Variants in GABRA4 observed in about 807,000 individuals in gnomAD.
GABRA4 encodes gamma-aminobutyric acid receptor subunit alpha-4.
GABRA4 carries 12 observed loss-of-function variants against 49.7 expected under a neutral mutation model. The ratio of observed to expected loss-of-function variants is 0.24; its 90% CI spans 0.15 to 0.39. The LOEUF (loss-of-function observed/expected upper bound fraction) is 0.39. Among genes scored for constraint, GABRA4 ranks in the 10% least tolerant of loss-of-function variants. The pLI, the probability that GABRA4 is intolerant of heterozygous loss-of-function variation, is 1.00. For missense variants in GABRA4, 506 were observed against 686.0 expected, an observed-to-expected ratio of 0.74 and a Z score of 2.93; for synonymous variants, 288 against 240.2, an observed-to-expected ratio of 1.20 and a Z score of -1.84.
In GABRA4 at chr4:46,920,059, CTG is replaced by C. The variant is rs1452188568; in HGVS notation, c.*8164_*8165del. 9.2e-5 allele frequency: 14 copies of C among 151,702 alleles called. No homozygotes were observed. The East Asian group carries it at 2.7e-3, about 29-fold the overall frequency. The allele number at this position is 151,702 out of a possible 1,614,324, so 9.4% of individuals were successfully genotyped here. ...TAAAATGACAAGCCAACATGCTGCA[CTG>C]TGTTAGCAACATCTGTAAAGACAAA... On this transcript the variant is annotated 3_prime_UTR_variant, in exon 9 of 9. Coordinates refer to ENST00000264318, the MANE Select transcript of GABRA4 (RefSeq NM_000809.4).
chr4:46,975,007 A>T (rs973848738), intron 5 of GABRA4, among the ~76,000 whole-genome samples: 1 of 151,932 alleles, frequency 6.6e-6, no homozygotes. Flanking sequence ...ATTTCTTACA[A>T]TCAGGACATT....
chr4:46,954,840 C>A (rs1204626266), intron 8 of GABRA4, among the ~76,000 whole-genome samples: 1 of 152,072 alleles, frequency 6.6e-6, no homozygotes, highest in African/African-American at 2.4e-5. Context: ...CTTTCTGATG[C>A]CAAACAGGCA....
chr4:46,964,973 C>T lies in GABRA4; in HGVS notation c.1131G>A (p.Leu377=). The T allele has an allele frequency of 6.3e-7, 1 of 1,594,534 alleles. No individual in the cohort carries two copies. Among genetic ancestry groups the T allele is most frequent in the Non-Finnish European group, 8.6e-7 (1 of 1,169,290 alleles). ...GAAGGTGGATTAAGTCAAATACCTG[C>T]AGAGGGGCTTCAGGATGCTTCTCTC... ...VQREKHPEAP[L]QNTNANLNMR... Residue 377 remains leucine (L), a synonymous_variant, in exon 8 of 9, where the codon CTG becomes CTA. Transcript: ENST00000264318.
In GABRA4 at chr4:46,950,733, A is replaced by AATTAATTAATT. The variant is rs1553903641; in HGVS notation, c.1134+14236_1134+14237insAATTAATTAAT. Among the ~76,000 whole-genome samples, 45 of 129,794 alleles carry AATTAATTAATT rather than the reference A, an allele frequency of 3.5e-4. No individual in the cohort carries two copies. In the South Asian group the frequency reaches 3.9e-3, roughly 11 times the overall value. 85.1% of individuals were successfully genotyped at this position (129,794 alleles called of 152,430 possible). A position where few individuals can be genotyped will look rare whatever the true frequency, so the allele number is the denominator to read the frequency against. ...TCTCTAAGAAAATAAATAAATAAAT[A>AATTAATTAATT]AATAAATAAATAAATTACTATATGC... On this transcript the variant is annotated intron_variant, in intron 8 of 8. Coordinates refer to ENST00000264318, the MANE Select transcript of GABRA4 (RefSeq NM_000809.4).
intron 7 of GABRA4, among the ~76,000 whole-genome samples, chr4:46,967,496 G>GT (rs1290613694): frequency 6.6e-6 from 1 of 151,526 alleles, no homozygotes; most frequent in East Asian, 1.9e-4. Context: ...CATAAATTCA[G>GT]TAATTACTTT....
chr4:46,934,302 T>G (rs540290224), intron 8 of GABRA4, among the ~76,000 whole-genome samples: 170 of 152,270 alleles, frequency 1.1e-3, no homozygotes, highest in Non-Finnish European at 1.7e-3. Context: ...CACATCTTAT[T>G]TAATAGGGAA....
At chr4:46,950,255 C>A (rs1206835278) in intron 8 of GABRA4, among the ~76,000 whole-genome samples, 1 of 152,044 alleles carries the variant, frequency 6.6e-6, no homozygotes, top group Non-Finnish European at 1.5e-5. Context: ...AACGATCCTA[C>A]TGAGACCATT....
At chr4:46,978,847 T>G (rs986404485) in intron 3 of GABRA4, among the ~76,000 whole-genome samples, 184 bp downstream of exon 3, 1 of 152,050 alleles carries the variant, frequency 6.6e-6, no homozygotes, top group Non-Finnish European at 1.5e-5. Flanking sequence ...TACTCAAATG[T>G]TACAACTGAA....
chr4:46,957,895 T>C (rs1722422799), intron 8 of GABRA4, among the ~76,000 whole-genome samples: 1 of 151,996 alleles, frequency 6.6e-6, no homozygotes, highest in Non-Finnish European at 1.5e-5. Flanking sequence ...ATAGACTAAA[T>C]GTAAAAGTTT....
Position 46,920,317 on chromosome 4 carries a change from G to T in GABRA4, c.*7908C>A, listed in dbSNP as rs1410815917. 1 of 151,412 alleles carries T rather than the reference G, an allele frequency of 6.6e-6. No homozygotes were observed. The highest frequency in any genetic ancestry group is 2.4e-5 in the African/African-American group (1 of 41,306). 9.4% of individuals were successfully genotyped at this position (151,412 alleles called of 1,614,324 possible). A position where few individuals can be genotyped will look rare whatever the true frequency, so the allele number is the denominator to read the frequency against. The stretch of plus-strand genomic sequence containing the variant: ...TATGCAATTGGTAATATCTTATATT[G>T]CCAACAACATAACTTTGTTCAGGTA... On this transcript the variant is annotated 3_prime_UTR_variant, in exon 9 of 9. Coordinates refer to ENST00000264318, the MANE Select transcript of GABRA4 (RefSeq NM_000809.4).
chr4:46,939,624 G>T (rs1721723931), intron 8 of GABRA4, among the ~76,000 whole-genome samples: 1 of 151,908 alleles, frequency 6.6e-6, no homozygotes, highest in Non-Finnish European at 1.5e-5. Context: ...AAAAATACAT[G>T]CTTATGAGAT....
chr4:46,973,024 G>T (rs1723005596), intron 6 of GABRA4, among the ~76,000 whole-genome samples: 2 of 151,696 alleles, frequency 1.3e-5, no homozygotes. Flanking sequence ...TTTGGGTTTT[G>T]CCAGTTATTA....
At chr4:46,974,797 A>G (rs942983799) in intron 5 of GABRA4, among the ~76,000 whole-genome samples, 48 of 151,946 alleles carry the variant, frequency 3.2e-4, no homozygotes, top group African/African-American at 1.2e-3. Context: ...TCTGCTATTT[A>G]GAAATGCTGC....
At chr4:46,947,948 C>T (rs1285737235) in intron 8 of GABRA4, among the ~76,000 whole-genome samples, 2 of 152,042 alleles carry the variant, frequency 1.3e-5, no homozygotes, top group African/African-American at 4.8e-5. Flanking sequence ...TGGAATCACC[C>T]AGAAGATGTC....
At position 46,974,724 on chromosome 4, in the gene GABRA4, G is replaced by A. The variant is rs112721055; in HGVS notation, c.578-349C>T. Among the ~76,000 whole-genome samples, 1,423 of 151,954 alleles carry A rather than the reference G, an allele frequency of 9.4e-3. 14 individuals are homozygous for A. Among genetic ancestry groups the A allele is most frequent in the African/African-American group, 0.032 (1,345 of 41,480 alleles). On this transcript the variant is annotated intron_variant, in intron 5 of 8. Coordinates refer to ENST00000264318, the MANE Select transcript of GABRA4 (RefSeq NM_000809.4). The stretch of plus-strand genomic sequence containing the variant: ...TAAACAGTTCAAAAGCAGATATATT[G>A]AACTCCCAAAGCCGTACTTCTAACT...
rs752930109 is a variant in GABRA4, at chr4:46,928,275, C to A, written c.1615G>T (p.Val539Phe). The change falls in exon 9 of 9, where the codon GTT (valine) becomes TTT (phenylalanine). Residue 539 changes from valine to phenylalanine, a missense_variant. Val to Phe is a conservative substitution (Grantham distance 50). Coordinates refer to ENST00000264318, the MANE Select transcript of GABRA4 (RefSeq NM_000809.4). ...ATAGTGTCCTTAGATAAATAAACAA[C>A]CCAATAAACCATGTTAAATGCCCCA... ...TFGAFNMVYW[V>F]VYLSKDTMEK... 6.2e-7 allele frequency: 1 copy of A among 1,612,952 alleles called. No individual in the cohort carries two copies.
chr4:46,937,784 A>T (rs1046275856), intron 8 of GABRA4, among the ~76,000 whole-genome samples: 4 of 152,154 alleles, frequency 2.6e-5, no homozygotes, highest in African/African-American at 9.7e-5. Context: ...CTTAACCCAA[A>T]TCAGGGGAAT....
chr4:46,974,670 C>T (rs1723074683), intron 5 of GABRA4, among the ~76,000 whole-genome samples: 1 of 151,896 alleles, frequency 6.6e-6, no homozygotes, highest in Non-Finnish European at 1.5e-5. Context: ...TGCATGAATA[C>T]ACTTGGATGT....
At chr4:46,956,461 G>A (rs1045192851) in intron 8 of GABRA4, among the ~76,000 whole-genome samples, 23 of 152,136 alleles carry the variant, frequency 1.5e-4, no homozygotes, top group Admixed American at 1.4e-3. Context: ...ATACCCTTTA[G>A]GAATGGAATG....
Sources: gnomAD v4.1 joint callset for allele counts (sites outside exome capture counted in the v4.1 genomes callset) on GRCh38, gnomAD v4.1.1 for gene constraint, MANE v1.5 for transcripts, NCBI Gene and HGNC (gene_info 2026-07-23, HGNC 2026-07-21) for gene names.